Variants in VAV3 observed in about 807,000 individuals in gnomAD.
VAV3 encodes the protein vav guanine nucleotide exchange factor 3, also known as guanine nucleotide exchange factor VAV3.
Under a neutral mutation model 131.2 loss-of-function variants are expected in VAV3, and 94 were observed. That is an observed-to-expected ratio of 0.72 (90% CI 0.61 to 0.85). VAV3 has a LOEUF of 0.85. Ranked by LOEUF, VAV3 falls within the 40% of genes least tolerant of loss-of-function variation. The pLI is 0.00. For synonymous variants in VAV3, 349 were observed against 342.0 expected (o/e 1.02, Z -0.22); for missense variants, 939 against 1,002.7 (o/e 0.94, Z 0.86).
At chr1:107,748,934 A>G in intron 15 of VAV3, 34 bp downstream of exon 15, 1 of 1,468,338 alleles carries the variant, frequency 6.8e-7, no homozygotes, top group Non-Finnish European at 9.3e-7. Flanking sequence ...TAACTAGTAA[A>G]AATAAAAGCA....
chr1:107,916,788 GAATT>G, intron 1 of VAV3, among the ~76,000 whole-genome samples: 1 of 152,108 alleles, frequency 6.6e-6, no homozygotes, highest in Admixed American at 6.5e-5. Flanking sequence ...GTGAATGAAT[GAATT>G]AATACGATTC....
intron 15 of VAV3, among the ~76,000 whole-genome samples, chr1:107,729,125 T>C (rs1351282872): frequency 1.3e-5 from 2 of 152,222 alleles, no homozygotes; most frequent in African/African-American, 4.8e-5. Flanking sequence ...GTATATTTTG[T>C]TATGTATGAA....
chr1:107,608,474 A>G (rs1652468720), intron 22 of VAV3, among the ~76,000 whole-genome samples: 1 of 152,202 alleles, frequency 6.6e-6, no homozygotes, highest in African/African-American at 2.4e-5. Flanking sequence ...AATTTCTTTC[A>G]GGACTATAGT....
intron 19 of VAV3, chr1:107,669,254 A>T: frequency 4.0e-6 from 5 of 1,253,064 alleles, no homozygotes; most frequent in Non-Finnish European, 4.1e-6. Context: ...AAGTGTCCAT[A>T]GGATCTCTTC....
chr1:107,822,341 G>GA (rs1222229760), intron 2 of VAV3, among the ~76,000 whole-genome samples: 2 of 151,722 alleles, frequency 1.3e-5, no homozygotes, highest in East Asian at 1.9e-4. Flanking sequence ...GGAGGAATGA[G>GA]AAAAAAGAGG....
intron 15 of VAV3, among the ~76,000 whole-genome samples, chr1:107,744,152 C>A (rs552159842): frequency 4.6e-5 from 7 of 152,278 alleles, no homozygotes; most frequent in Non-Finnish European, 1.5e-5. Flanking sequence ...GTCCCAGAGT[C>A]CCTCCAGAGC....
chr1:107,584,007 T>C (rs913896495), intron 25 of VAV3, among the ~76,000 whole-genome samples: 16 of 152,070 alleles, frequency 1.1e-4, no homozygotes, highest in South Asian at 2.1e-4. Context: ...CTTCAAACTA[T>C]ACTACAAGGC....
chr1:107,961,613 TTAA>T (rs1367875308), intron 1 of VAV3, among the ~76,000 whole-genome samples: 2 of 152,214 alleles, frequency 1.3e-5, no homozygotes, highest in Non-Finnish European at 2.9e-5. Context: ...CTAAATATGA[TTAA>T]TGTTTACCTC....
intron 2 of VAV3, among the ~76,000 whole-genome samples, chr1:107,799,126 A>T (rs1448332244): frequency 6.6e-6 from 1 of 152,194 alleles, no homozygotes; most frequent in Non-Finnish European, 1.5e-5. Context: ...ATAATTATAG[A>T]ACTTTGAAAG....
chr1:107,864,470 A>C (rs997851473), intron 2 of VAV3, among the ~76,000 whole-genome samples: 2 of 152,104 alleles, frequency 1.3e-5, no homozygotes, highest in East Asian at 3.9e-4. Flanking sequence ...AAAAAATGCA[A>C]AAATTAGCTG....
chr1:107,583,513 C>T (rs372296423), intron 25 of VAV3, among the ~76,000 whole-genome samples: 4,628 of 152,108 alleles, frequency 0.03, 104 homozygotes, highest in South Asian at 0.067. Context: ...GAAAACCCCA[C>T]TGTCTCAGCC....
At chr1:107,867,520 G>T (rs1199697588) in intron 2 of VAV3, among the ~76,000 whole-genome samples, 1 of 152,208 alleles carries the variant, frequency 6.6e-6, no homozygotes, top group Non-Finnish European at 1.5e-5. Flanking sequence ...TTAACAGCCA[G>T]CCAGACACAT....
At chr1:107,647,056 A>C (rs1557730890) in intron 19 of VAV3, among the ~76,000 whole-genome samples, 1 of 151,734 alleles carries the variant, frequency 6.6e-6, no homozygotes, top group African/African-American at 2.4e-5. Flanking sequence ...ATAAACTTTC[A>C]AACTTCAATG....
chr1:107,653,869 C>T (rs1656351643), intron 19 of VAV3, among the ~76,000 whole-genome samples: 1 of 151,946 alleles, frequency 6.6e-6, no homozygotes, highest in African/African-American at 2.4e-5. Flanking sequence ...AAAATTGCTC[C>T]CTTCCCAGGA....
chr1:107,888,686 T>A (rs1274834002), intron 1 of VAV3, among the ~76,000 whole-genome samples: 1 of 152,126 alleles, frequency 6.6e-6, no homozygotes, highest in African/African-American at 2.4e-5. Context: ...CTCGAACTTC[T>A]GACCTCAAGT....
intron 25 of VAV3, among the ~76,000 whole-genome samples, chr1:107,585,572 T>C (rs1291560511): frequency 6.6e-6 from 1 of 152,114 alleles, no homozygotes; most frequent in Non-Finnish European, 1.5e-5. Flanking sequence ...TCTGGCCACA[T>C]TGCCCAGTCA....
intron 1 of VAV3, among the ~76,000 whole-genome samples, chr1:107,945,647 C>T (rs1034084327): frequency 6.6e-6 from 1 of 151,880 alleles, no homozygotes; most frequent in Admixed American, 6.6e-5. Flanking sequence ...CATGGTGAAA[C>T]CCCATCTCTA....
chr1:107,960,507 T>C (rs2101403428), intron 1 of VAV3, among the ~76,000 whole-genome samples: 1 of 151,866 alleles, frequency 6.6e-6, no homozygotes, highest in East Asian at 1.9e-4. Context: ...TCAGGCCATG[T>C]CACTCCTCTC....
intron 3 of VAV3, among the ~76,000 whole-genome samples, chr1:107,778,247 CAG>C (rs1665477639): frequency 6.6e-6 from 1 of 152,006 alleles, no homozygotes; most frequent in East Asian, 1.9e-4. Flanking sequence ...TCAAATAAAT[CAG>C]TGTGTGAGAA....
Sources: gnomAD v4.1 joint callset for allele counts (sites outside exome capture counted in the v4.1 genomes callset) on GRCh38, gnomAD v4.1.1 for gene constraint, MANE v1.5 for transcripts, NCBI Gene and HGNC (gene_info 2026-07-23, HGNC 2026-07-21) for gene names.